SEPTIN14: variants seen among roughly 807,000 people sequenced by gnomAD.
SEPTIN14 encodes the protein septin 14, also known as septin-14.
Under a neutral mutation model 53.6 loss-of-function variants are expected in SEPTIN14, and 40 were observed. The ratio of observed to expected loss-of-function variants is 0.75; its 90% CI spans 0.58 to 0.97. SEPTIN14 has a LOEUF of 0.97. SEPTIN14 is among the 50% of genes least tolerant of loss of function. The probability of loss-of-function intolerance (pLI) is 0.00; values close to 1 mark genes in which losing one functional copy is unlikely to be tolerated. For missense variants in SEPTIN14, 471 were observed against 508.2 expected, an observed-to-expected ratio of 0.93 and a Z score of 0.70; for synonymous variants, 138 against 166.8, an observed-to-expected ratio of 0.83 and a Z score of 1.33.
chr7:55,822,386 T>C (rs1395507030), intron 6 of SEPTIN14, among the ~76,000 whole-genome samples: 2 of 152,154 alleles, frequency 1.3e-5, no homozygotes, highest in Non-Finnish European at 2.9e-5. Context: ...AATTATTTTG[T>C]GAATAATAAC....
At chr7:55,817,559 T>G (rs1207463990) in intron 7 of SEPTIN14, among the ~76,000 whole-genome samples, 1 of 151,460 alleles carries the variant, frequency 6.6e-6, no homozygotes, top group Non-Finnish European at 1.5e-5. Context: ...AAGCTCCACC[T>G]CCCGGGTTCA....
intron 2 of SEPTIN14, among the ~76,000 whole-genome samples, chr7:55,856,493 G>A (rs1245006164): frequency 6.6e-6 from 1 of 151,730 alleles, no homozygotes; most frequent in Non-Finnish European, 1.5e-5. Context: ...CCAGGTTCAA[G>A]CGATTCTCCT....
chr7:55,830,112 AGCTTGC>A (rs1290843720), intron 6 of SEPTIN14, among the ~76,000 whole-genome samples: 1 of 147,240 alleles, frequency 6.8e-6, no homozygotes, highest in African/African-American at 2.5e-5. Context: ...CGGGAGGCGG[AGCTTGC>A]AGTGAGCAGA....
intron 7 of SEPTIN14, among the ~76,000 whole-genome samples, chr7:55,817,786 G>C (rs1236279162): frequency 6.6e-6 from 1 of 151,938 alleles, no homozygotes; most frequent in African/African-American, 2.4e-5. Context: ...TTATATTCTT[G>C]AAAATTGCTA....
intron 2 of SEPTIN14, among the ~76,000 whole-genome samples, chr7:55,861,501 CAAA>C (rs147508733): frequency 1.1e-5 from 1 of 95,236 alleles, no homozygotes. Flanking sequence ...GACTCAGTCT[CAAA>C]AAAAAAAAAA....
chr7:55,839,438 A>C (rs1179894645), intron 5 of SEPTIN14, among the ~76,000 whole-genome samples: 2 of 151,880 alleles, frequency 1.3e-5, no homozygotes, highest in Non-Finnish European at 1.5e-5. Flanking sequence ...GGTAACTTTC[A>C]CATAACTTTT....
At chr7:55,842,421 C>T (rs552091925) in intron 5 of SEPTIN14, among the ~76,000 whole-genome samples, 212 of 151,866 alleles carry the variant, frequency 1.4e-3, no homozygotes, top group African/African-American at 4.7e-3. Context: ...GCCTGGGCAA[C>T]ATAGTGACAC....
chr7:55,798,183 A>T (rs1197000279), intron 9 of SEPTIN14: 1 of 228,890 alleles, frequency 4.4e-6, no homozygotes, highest in African/African-American at 2.3e-5. Flanking sequence ...GCAGCCACGC[A>T]AAGCCCAGCA....
chr7:55,807,730 C>T (rs1357754224), intron 7 of SEPTIN14, among the ~76,000 whole-genome samples: 1 of 151,880 alleles, frequency 6.6e-6, no homozygotes, highest in Non-Finnish European at 1.5e-5. Context: ...TAGGAGACAC[C>T]GTTAGTCAAT....
At chr7:55,805,529 AAAAT>A (rs1464508463) in intron 8 of SEPTIN14, 139 bp from the exon 9 acceptor site, 4 of 569,028 alleles carry the variant, frequency 7.0e-6, no homozygotes, top group Non-Finnish European at 9.1e-6. Flanking sequence ...CCATCATAAA[AAAAT>A]AAAATAAAAT....
At chr7:55,803,638 C>A (rs906374383) in intron 9 of SEPTIN14, among the ~76,000 whole-genome samples, 6 of 151,682 alleles carry the variant, frequency 4.0e-5, no homozygotes, top group Non-Finnish European at 7.4e-5. Flanking sequence ...CATTAATTGA[C>A]AATAATCAAG....
intron 8 of SEPTIN14, 36 bp downstream of exon 8, chr7:55,807,054 T>C: frequency 6.7e-7 from 1 of 1,485,478 alleles, no homozygotes; most frequent in African/African-American, 1.4e-5. Context: ...ACTCCTAAAT[T>C]ATCCATTTGG....
intron 6 of SEPTIN14, among the ~76,000 whole-genome samples, chr7:55,829,356 A>T (rs1194132543): frequency 6.7e-6 from 1 of 150,022 alleles, no homozygotes; most frequent in African/African-American, 2.4e-5. Flanking sequence ...CCCAGCCTGG[A>T]CAACAAAGCA....
At position 55,811,264 on chromosome 7, in the gene SEPTIN14, C is replaced by T. The variant is rs115320509; in HGVS notation, c.818-4006G>A. ...ATCTGGATGTTGTAGAGTTTATCCA[C>T]CTCCTTGAAGAGGTTCTGCCTGTCA... On this transcript the variant is annotated intron_variant, in intron 7 of 9. Transcript: ENST00000388975. 1.9e-3 allele frequency: 992 copies of T among 521,480 alleles called. 8 individuals carry two copies. The highest frequency in any genetic ancestry group is 0.017 in the African/African-American group (880 of 51,844). 32.3% of individuals were successfully genotyped at this position (521,480 alleles called of 1,614,324 possible).
intron 6 of SEPTIN14, among the ~76,000 whole-genome samples, chr7:55,824,440 AC>A (rs1229720819): frequency 6.6e-6 from 1 of 152,202 alleles, no homozygotes; most frequent in Non-Finnish European, 1.5e-5. Context: ...AATACATGGT[AC>A]TACACATTTA....
rs1211273663 is a variant in SEPTIN14 at position 55,794,165 on chromosome 7, T to C, written c.*1748A>G. 1.3e-5 allele frequency: 2 copies of C among 152,252 alleles called. No individual in the cohort carries two copies. The highest frequency in any genetic ancestry group is 2.4e-5 in the African/African-American group (1 of 41,564). The allele number at this position is 152,252 out of a possible 1,614,324, so 9.4% of individuals were successfully genotyped here. A position where few individuals can be genotyped will look rare whatever the true frequency, so the allele number is the denominator to read the frequency against. ...TCCTTCTGTGCCCTCAAAAACCCTA[T>C]GGATTATACCATTATTACCTAAAAA... On this transcript the variant is annotated 3_prime_UTR_variant, in exon 10 of 10. Coordinates refer to ENST00000388975, the MANE Select transcript of SEPTIN14 (RefSeq NM_207366.3).
In SEPTIN14 at chr7:55,793,775, G is replaced by A. The variant is rs1788380000; in HGVS notation, c.*2138C>T. ...CAGGATGTTATATGTAATTTTCATA[G>A]TAACCAAAAACGAAATCTACATAGA... On this transcript the variant is annotated 3_prime_UTR_variant, in exon 10 of 10. Coordinates refer to ENST00000388975, the MANE Select transcript of SEPTIN14 (RefSeq NM_207366.3). 1 of 151,846 alleles carries A rather than the reference G, an allele frequency of 6.6e-6. No individual in the cohort carries two copies. Among genetic ancestry groups the A allele is most frequent in the African/African-American group, 2.4e-5 (1 of 41,366 alleles). 9.4% of individuals were successfully genotyped at this position (151,846 alleles called of 1,614,324 possible). A position where few individuals can be genotyped will look rare whatever the true frequency, so the allele number is the denominator to read the frequency against.
intron 2 of SEPTIN14, 22 bp from the exon 3 acceptor site, chr7:55,846,659 G>A (rs377339315): frequency 1.3e-5 from 16 of 1,272,758 alleles, no homozygotes; most frequent in South Asian, 2.6e-5. Flanking sequence ...CAAAAATTTA[G>A]AGTTTTGTGT....
chr7:55,849,874 T>G (rs974898457), intron 2 of SEPTIN14, among the ~76,000 whole-genome samples: 1 of 152,140 alleles, frequency 6.6e-6, no homozygotes, highest in Non-Finnish European at 1.5e-5. Flanking sequence ...GATGAACACA[T>G]TTTGCCAATG....
Sources: allele counts gnomAD v4.1 joint callset (sites outside exome capture counted in the v4.1 genomes callset), GRCh38; gene constraint gnomAD v4.1.1; transcripts MANE v1.5; gene names NCBI Gene and HGNC (gene_info 2026-07-23, HGNC 2026-07-21).